TLK2: variants seen among roughly 807,000 people sequenced by gnomAD.
TLK2 encodes the protein tousled like kinase 2, also known as serine/threonine-protein kinase tousled-like 2.
A neutral mutation model predicts 117.3 loss-of-function variants in TLK2; 6 were observed. The observed-to-expected ratio is 0.05, with a 90% CI of 0.03 to 0.10. TLK2 has a LOEUF of 0.10. Among genes scored for constraint, TLK2 ranks in the 10% least tolerant of loss-of-function variants. The probability of loss-of-function intolerance (pLI) is 1.00; values close to 1 mark genes in which losing one functional copy is unlikely to be tolerated. For missense variants in TLK2, 299 were observed against 901.2 expected (o/e 0.33, Z 8.56); for synonymous variants, 257 against 316.7 (o/e 0.81, Z 2.00).
intron 7 of TLK2, among the ~76,000 whole-genome samples, chr17:62,538,951 A>G (rs1251549459): frequency 6.6e-6 from 1 of 152,242 alleles, no homozygotes; most frequent in Non-Finnish European, 1.5e-5. Flanking sequence ...CAAGTGGCTA[A>G]TAACATGAAA....
At chr17:62,529,512 G>A (rs1376000522) in intron 6 of TLK2, among the ~76,000 whole-genome samples, 1 of 152,174 alleles carries the variant, frequency 6.6e-6, no homozygotes, top group Non-Finnish European at 1.5e-5. Flanking sequence ...GGGATTATAG[G>A]CATGAGCCCC....
At chr17:62,530,506 A>G (rs1332488786) in intron 6 of TLK2, among the ~76,000 whole-genome samples, 7 of 152,312 alleles carry the variant, frequency 4.6e-5, no homozygotes, top group Non-Finnish European at 5.9e-5. Flanking sequence ...AAATTACCAC[A>G]TGCCAAAATT....
intron 12 of TLK2, among the ~76,000 whole-genome samples, chr17:62,575,433 T>G (rs573944709): frequency 6.6e-6 from 1 of 152,350 alleles, no homozygotes; most frequent in South Asian, 2.1e-4. Flanking sequence ...TGTAAAGAGA[T>G]AGCCCTAGTG....
chr17:62,580,220 CTG>C (rs1490622684), intron 15 of TLK2, 28 bp downstream of exon 15: 20 of 1,551,168 alleles, frequency 1.3e-5, no homozygotes, highest in Non-Finnish European at 1.6e-5. Context: ...GATACAAAGA[CTG>C]GGGGTTAAAT....
chr17:62,503,277 C>T (rs1408220767), intron 2 of TLK2, among the ~76,000 whole-genome samples: 1 of 151,982 alleles, frequency 6.6e-6, no homozygotes, highest in Non-Finnish European at 1.5e-5. Context: ...CCAGGATAGT[C>T]TTGATCTCCT....
chr17:62,479,101 C>G lies in TLK2; in HGVS notation c.-195C>G, dbSNP rs1432623673. The G allele has an allele frequency of 2.0e-5, 3 of 150,208 alleles. No homozygotes were observed. The highest frequency in any genetic ancestry group is 4.5e-5 in the Non-Finnish European group (3 of 67,306). The allele number at this position is 150,208 out of a possible 1,614,324, so 9.3% of individuals were successfully genotyped here. A position where few individuals can be genotyped will look rare whatever the true frequency, so the allele number is the denominator to read the frequency against. ...CCGGGGATCTGCGGCCTTCGTGCCC[C>G]CCCTCCCCCGCCCGCCCTCTCGTGG... is the stretch of plus-strand genomic sequence containing the variant. On this transcript the variant is annotated 5_prime_UTR_variant, in exon 1 of 22. Transcript: ENST00000346027.
At chr17:62,565,965 G>A (rs1045850269) in intron 11 of TLK2, among the ~76,000 whole-genome samples, 4 of 152,228 alleles carry the variant, frequency 2.6e-5, no homozygotes, top group Non-Finnish European at 5.9e-5. Context: ...CTGGAAGGCA[G>A]TGGTGACCAG....
At chr17:62,485,817 T>G (rs982225298) in intron 2 of TLK2, among the ~76,000 whole-genome samples, 14 of 114,196 alleles carry the variant, frequency 1.2e-4, no homozygotes, top group Admixed American at 3.6e-4. Flanking sequence ...AATTTTCTGG[T>G]TTTTTTTTTT....
chr17:62,509,392 C>T (rs868319989), intron 2 of TLK2, among the ~76,000 whole-genome samples: 26 of 152,166 alleles, frequency 1.7e-4, no homozygotes, highest in Middle Eastern at 6.3e-3. Flanking sequence ...CCTGGTCTCT[C>T]CTAACCTTTA....
At chr17:62,562,446 CT>C (rs1247605421) in intron 10 of TLK2, among the ~76,000 whole-genome samples, 1 of 152,078 alleles carries the variant, frequency 6.6e-6, no homozygotes, top group Non-Finnish European at 1.5e-5. Flanking sequence ...TTTTAAAACT[CT>C]TATAACTTAA....
intron 15 of TLK2, among the ~76,000 whole-genome samples, chr17:62,580,675 T>C (rs2081148752): frequency 6.6e-6 from 1 of 152,206 alleles, no homozygotes; most frequent in South Asian, 2.1e-4. Flanking sequence ...GTGCTTCAGT[T>C]GGGCTAGCGA....
chr17:62,592,688 G>A (rs2082167295), intron 16 of TLK2, among the ~76,000 whole-genome samples: 1 of 152,216 alleles, frequency 6.6e-6, no homozygotes, highest in East Asian at 1.9e-4. Flanking sequence ...ACCGGGGACA[G>A]GGGGAGATGG....
intron 2 of TLK2, among the ~76,000 whole-genome samples, chr17:62,491,505 A>C (rs548896402): frequency 6.6e-6 from 1 of 152,078 alleles, no homozygotes. Flanking sequence ...GTTTCACTTG[A>C]TCCTGGCTAC....
intron 20 of TLK2, among the ~76,000 whole-genome samples, chr17:62,606,832 G>A (rs1469554718): frequency 6.6e-6 from 1 of 152,090 alleles, no homozygotes; most frequent in African/African-American, 2.4e-5. Context: ...GGATCCATTT[G>A]TGTATTTATG....
chr17:62,522,809 C>A (rs537945534), intron 4 of TLK2, among the ~76,000 whole-genome samples: 9 of 152,122 alleles, frequency 5.9e-5, no homozygotes, highest in Admixed American at 1.3e-4. Context: ...AATAGAAAGC[C>A]CAGTCTTGTT....
chr17:62,499,866 A>T (rs969980877), intron 2 of TLK2, among the ~76,000 whole-genome samples: 26 of 152,032 alleles, frequency 1.7e-4, no homozygotes, highest in Non-Finnish European at 1.8e-4. Flanking sequence ...AAAAAAAGAA[A>T]AAAAGAATTA....
chr17:62,517,851 T>G (rs976412227), intron 2 of TLK2, among the ~76,000 whole-genome samples: 4 of 152,026 alleles, frequency 2.6e-5, no homozygotes, highest in African/African-American at 7.3e-5. Flanking sequence ...GTGTGCACCA[T>G]CCCGCCCGAC....
At chr17:62,532,827 C>T (rs2076836171) in intron 6 of TLK2, among the ~76,000 whole-genome samples, 1 of 151,978 alleles carries the variant, frequency 6.6e-6, no homozygotes, top group Non-Finnish European at 1.5e-5. Context: ...CGCATTTTTC[C>T]TAGATAAATC....
At chr17:62,609,235 A>G (rs1379164699) in intron 21 of TLK2, among the ~76,000 whole-genome samples, 1 of 152,100 alleles carries the variant, frequency 6.6e-6, no homozygotes, top group Non-Finnish European at 1.5e-5. Flanking sequence ...GGTGTGCACC[A>G]CTGCTCCTGG....
Sources: allele counts gnomAD v4.1 joint callset (sites outside exome capture counted in the v4.1 genomes callset), GRCh38; gene constraint gnomAD v4.1.1; transcripts MANE v1.5; gene names NCBI Gene and HGNC (gene_info 2026-07-23, HGNC 2026-07-21).